The following WNT5B variants were observed in gnomAD, a reference collection of about 807,000 sequenced individuals.
The protein encoded by WNT5B is Wnt family member 5B.
In WNT5B, 18 loss-of-function variants were observed where a neutral mutation model predicts 36.5. That is an observed-to-expected ratio of 0.49 (90% CI 0.34 to 0.73). The LOEUF (loss-of-function observed/expected upper bound fraction) is 0.73, where lower values mean the gene tolerates loss of function less well. Ranked by LOEUF, WNT5B falls within the 30% of genes least tolerant of loss-of-function variation. The pLI is 0.01. For missense variants in WNT5B, 424 were observed against 508.4 expected (o/e 0.83, Z 1.60); for synonymous variants, 213 against 212.3 (o/e 1.00, Z -0.03).
intron 3 of WNT5B, 77 bp from the exon 4 acceptor site, chr12:1,639,607 T>TCGGGGGAGA (rs2094570057): frequency 7.0e-7 from 1 of 1,419,210 alleles, no homozygotes; most frequent in Non-Finnish European, 9.2e-7. Context: ...TGCGGGTCCG[T>TCGGGGGAGA]CGGGGGAGAC....
At chr12:1,645,690 C>A in intron 4 of WNT5B, 104 bp from the exon 5 acceptor site, 1 of 1,057,478 alleles carries the variant, frequency 9.5e-7, no homozygotes, top group Non-Finnish European at 1.4e-6. Context: ...TATCCCCTAC[C>A]CTACCGGCCC....
At chr12:1,639,656 C>T (rs1227611028) in intron 3 of WNT5B, 28 bp from the exon 4 acceptor site, 5 of 1,479,342 alleles carry the variant, frequency 3.4e-6, no homozygotes, top group Middle Eastern at 1.8e-4. Flanking sequence ...AGAGCGCACC[C>T]GCTTACCGCC....
intron 1 of WNT5B, among the ~76,000 whole-genome samples, chr12:1,623,718 A>G (rs2154439318): frequency 6.6e-6 from 1 of 152,168 alleles, no homozygotes; most frequent in Middle Eastern, 3.4e-3. Flanking sequence ...TGCACTCTGT[A>G]CCTCACCTCT....
chr12:1,631,005 C>G (rs10773971), intron 1 of WNT5B: 11,895 of 180,624 alleles, frequency 0.066, 734 homozygotes, highest in East Asian at 0.24. Context: ...GGAGGAACGC[C>G]GCAAGCTCCG....
chr12:1,629,798 A>T, intron 1 of WNT5B: 1 of 93,810 alleles, frequency 1.1e-5, no homozygotes. Flanking sequence ...GACGAGGAGG[A>T]TTTATGGGGG....
rs1244300980 is a variant in WNT5B, at chr12:1,631,475, G to C, written c.80+41G>C. On this transcript the variant is annotated intron_variant, in intron 2 of 4. Coordinates refer to ENST00000397196, the MANE Select transcript of WNT5B (RefSeq NM_032642.3). ...TGAGGTCCTGCCTGCACAGCCGGAG[G>C]CCTCCTTCAGCGACTGAGATGAGGA... 4 of 1,613,194 alleles carry C rather than the reference G, an allele frequency of 2.5e-6. No individual in the cohort carries two copies. The East Asian group carries it at 8.9e-5, about 36-fold the overall frequency.
intron 1 of WNT5B, among the ~76,000 whole-genome samples, chr12:1,620,713 T>G (rs1352885786): frequency 6.7e-6 from 1 of 150,124 alleles, no homozygotes; most frequent in African/African-American, 2.5e-5. Flanking sequence ...AAATTTTTTT[T>G]TTTTTTTTTT....
At chr12:1,625,979 C>T (rs1179385191), upstream of WNT5B, among the ~76,000 whole-genome samples, 4 of 134,420 alleles carry the variant, frequency 3.0e-5, no homozygotes, top group South Asian at 2.4e-4. Flanking sequence ...TTTTCTCTCT[C>T]TTTTTTTTTT....
At chr12:1,640,090 A>G (rs544005506) in intron 4 of WNT5B, 114 bp downstream of exon 4, 2 of 1,266,188 alleles carry the variant, frequency 1.6e-6, no homozygotes, top group East Asian at 2.8e-5. Flanking sequence ...GACCGTGAAG[A>G]TTCTTACCTA....
At chr12:1,623,515 A>G (rs1356862253) in intron 1 of WNT5B, among the ~76,000 whole-genome samples, 1 of 151,960 alleles carries the variant, frequency 6.6e-6, no homozygotes, top group Non-Finnish European at 1.5e-5. Context: ...GTTTTAAGCA[A>G]AGAAGTCACA....
In WNT5B at chr12:1,639,935, C is replaced by T. The variant is rs376347332; in HGVS notation, c.580C>T (p.Arg194Trp). The change falls in exon 4 of 5, where the codon CGG becomes TGG. Residue 194 changes from arginine (R) to tryptophan (W), a missense_variant. Arg to Trp is a moderately radical substitution (Grantham distance 101). Coordinates refer to ENST00000397196, the MANE Select transcript of WNT5B (RefSeq NM_032642.3). ...TGCCAAAGGATCAGAGGAGCAGGGC[C>T]GGGTGCTCATGAACCTGCAAAACAA... ...NFAKGSEEQG[R>W]VLMNLQNNEA... 26 of 1,613,832 alleles carry T rather than the reference C, an allele frequency of 1.6e-5. No individual in the cohort carries two copies. Among genetic ancestry groups the T allele is most frequent in the Non-Finnish European group, 2.0e-5 (24 of 1,179,906 alleles).
In WNT5B at chr12:1,631,354, C is replaced by T. The variant is rs368704549; in HGVS notation, c.-1C>T. ...GGCACTGGGGAGGGCTGAGGCCGACCATGCCCAGCCTGCTGCTGCTGTTCA... is the reference window on the plus strand; with the variant it reads ...GGCACTGGGGAGGGCTGAGGCCGACTATGCCCAGCCTGCTGCTGCTGTTCA... On this transcript the variant is annotated 5_prime_UTR_variant, in exon 2 of 5. Coordinates refer to ENST00000397196, the MANE Select transcript of WNT5B (RefSeq NM_032642.3). 28 of 1,614,044 alleles carry T rather than the reference C, an allele frequency of 1.7e-5. No homozygotes were observed. Among genetic ancestry groups the T allele is most frequent in the Non-Finnish European group, 2.3e-5 (27 of 1,180,028 alleles).
chr12:1,627,524 C>G (rs116213674), upstream of WNT5B, among the ~76,000 whole-genome samples: 3 of 152,158 alleles, frequency 2.0e-5, no homozygotes, highest in Non-Finnish European at 2.9e-5. This position sits in a 1 kb window ranked among gnomAD's most constrained non-coding sequence, Gnocchi z 5.0. Flanking sequence ...TTACCTGTCC[C>G]GGTCTCTCTT....
At chr12:1,623,402 A>G (rs986244955) in intron 1 of WNT5B, among the ~76,000 whole-genome samples, 294 of 139,810 alleles carry the variant, frequency 2.1e-3, no homozygotes, top group Middle Eastern at 3.9e-3. Context: ...TCACCGTGTT[A>G]GCCAGGATGG....
rs2094552895 is a variant in WNT5B, at chr12:1,632,589, C to T, written c.81-69C>T. 4 of 1,524,446 alleles carry T rather than the reference C, an allele frequency of 2.6e-6. No individual in the cohort carries two copies. The highest frequency in any genetic ancestry group is 3.5e-6 in the Non-Finnish European group (4 of 1,131,490). 94.4% of individuals were successfully genotyped at this position (1,524,446 alleles called of 1,614,324 possible). A position where few individuals can be genotyped will look rare whatever the true frequency, so the allele number is the denominator to read the frequency against. On this transcript the variant is annotated intron_variant, in intron 2 of 4. Coordinates refer to ENST00000397196, the MANE Select transcript of WNT5B (RefSeq NM_032642.3). This position sits in a 1 kb window ranked among gnomAD's most constrained non-coding sequence, Gnocchi z 5.8. Reference sequence around the variant, plus strand: ...TTCAATAAATGTGTTGAATGAATGACTTAATGCTGCACACAGGCGTATGCT... The same window carrying T: ...TTCAATAAATGTGTTGAATGAATGATTTAATGCTGCACACAGGCGTATGCT...
chr12:1,637,966 C>G (rs765872395), intron 3 of WNT5B, among the ~76,000 whole-genome samples: 6 of 149,694 alleles, frequency 4.0e-5, no homozygotes, highest in African/African-American at 1.5e-4. Flanking sequence ...AACGCAACAC[C>G]GGCCAGGCAC....
At chr12:1,638,426 C>G (rs937557587) in intron 3 of WNT5B, among the ~76,000 whole-genome samples, 6 of 152,194 alleles carry the variant, frequency 3.9e-5, no homozygotes, top group Non-Finnish European at 5.9e-5. Context: ...TCCAAAGCAG[C>G]TGCACCGCTT....
chr12:1,623,187 G>GTTTTTT (rs771500550), intron 1 of WNT5B, among the ~76,000 whole-genome samples: 2,374 of 58,342 alleles, frequency 0.041, 591 homozygotes, highest in Middle Eastern at 0.091. Flanking sequence ...GTTTTTTGTT[G>GTTTTTT]TTTTTTTTTT....
chr12:1,633,393 A>G lies in WNT5B; in HGVS notation c.328+488A>G, dbSNP rs1332858562. ...GTCGGCCAAAGTGTTGATAGCTGTC[A>G]CTAACCCAACCCCATCCAGTCCCAG... On this transcript the variant is annotated intron_variant, in intron 3 of 4. Transcript: ENST00000397196. This position sits in a 1 kb window ranked among gnomAD's most constrained non-coding sequence, Gnocchi z 4.8. Among the ~76,000 whole-genome samples, 1 of 152,174 alleles carries G rather than the reference A, an allele frequency of 6.6e-6. No individual in the cohort carries two copies. Among genetic ancestry groups the G allele is most frequent in the Non-Finnish European group, 1.5e-5 (1 of 68,038 alleles).
Sources: allele counts gnomAD v4.1 joint callset (sites outside exome capture counted in the v4.1 genomes callset), GRCh38; gene constraint gnomAD v4.1.1; non-coding constraint Gnocchi (gnomAD v3.1); transcripts MANE v1.5; gene names NCBI Gene and HGNC (gene_info 2026-07-23, HGNC 2026-07-21).